The following UBE2E2 variants were observed in gnomAD, a reference collection of about 807,000 sequenced individuals.
UBE2E2 encodes the protein ubiquitin-conjugating enzyme E2 E2.
In UBE2E2, 6 loss-of-function variants were observed where a neutral mutation model predicts 24.7. The observed-to-expected ratio is 0.24, with a 90% CI of 0.13 to 0.48. UBE2E2 has a LOEUF of 0.48. Ranked by LOEUF, UBE2E2 falls within the 20% of genes least tolerant of loss-of-function variation. The pLI, the probability that UBE2E2 is intolerant of heterozygous loss-of-function variation, is 0.99. For missense variants in UBE2E2, 169 were observed against 245.0 expected (o/e 0.69, Z 2.07); for synonymous variants, 104 against 83.6 (o/e 1.24, Z -1.33).
chr3:23,215,910 A>G (rs78303818), intron 2 of UBE2E2, among the ~76,000 whole-genome samples: 4,373 of 152,236 alleles, frequency 0.029, 107 homozygotes, highest in East Asian at 0.13. Context: ...AATCTTTGAG[A>G]CTTCTGTCAT....
intron 3 of UBE2E2, among the ~76,000 whole-genome samples, chr3:23,419,578 G>A (rs1277055143): frequency 1.3e-5 from 2 of 152,162 alleles, no homozygotes; most frequent in African/African-American, 2.4e-5. Flanking sequence ...TTGAGAATCT[G>A]TGCTTTTGTT....
chr3:23,363,470 G>C (rs1696177565), intron 3 of UBE2E2, among the ~76,000 whole-genome samples: 2 of 152,210 alleles, frequency 1.3e-5, no homozygotes, highest in Admixed American at 6.5e-5. Flanking sequence ...CAAGCAAATG[G>C]AAAACAGAAA....
chr3:23,416,567 C>T (rs1035188805), intron 3 of UBE2E2, among the ~76,000 whole-genome samples: 1 of 151,990 alleles, frequency 6.6e-6, no homozygotes, highest in Non-Finnish European at 1.5e-5. Context: ...TTGTGGTGTT[C>T]TCTGTATTTC....
intron 3 of UBE2E2, among the ~76,000 whole-genome samples, chr3:23,486,280 G>A (rs1220571024): frequency 1.3e-5 from 2 of 152,194 alleles, no homozygotes; most frequent in African/African-American, 2.4e-5. Flanking sequence ...CACCACAAGA[G>A]GCTTCCACTG....
intron 3 of UBE2E2, among the ~76,000 whole-genome samples, chr3:23,410,632 T>C (rs939586059): frequency 3.3e-5 from 5 of 152,318 alleles, no homozygotes; most frequent in Middle Eastern, 3.4e-3. Context: ...AATTAGAATA[T>C]GTATTATCTG....
At chr3:23,331,096 C>T (rs1054916946) in intron 3 of UBE2E2, among the ~76,000 whole-genome samples, 9 of 152,092 alleles carry the variant, frequency 5.9e-5, no homozygotes, top group African/African-American at 1.7e-4. Flanking sequence ...TAAATCAAAG[C>T]GAAGTTCACA....
chr3:23,528,816 T>C (rs562990399), intron 4 of UBE2E2, among the ~76,000 whole-genome samples: 177 of 152,326 alleles, frequency 1.2e-3, no homozygotes, highest in African/African-American at 4.2e-3. Context: ...TTTCCCCTCC[T>C]GTCTGTTCAT....
intron 3 of UBE2E2, among the ~76,000 whole-genome samples, chr3:23,247,545 G>T (rs186597954): frequency 6.6e-6 from 1 of 152,034 alleles, no homozygotes; most frequent in Admixed American, 6.5e-5. Flanking sequence ...AGTAGGACGG[G>T]GTTTCTCCAT....
chr3:23,238,132 T>A (rs12330479), intron 3 of UBE2E2, among the ~76,000 whole-genome samples: 1 of 151,854 alleles, frequency 6.6e-6, no homozygotes, highest in Non-Finnish European at 1.5e-5. Context: ...GAAAAAAGCC[T>A]GGTTCCCTTG....
intron 3 of UBE2E2, among the ~76,000 whole-genome samples, chr3:23,290,883 T>G (rs1575535637): frequency 3.3e-5 from 4 of 120,106 alleles, no homozygotes; most frequent in Admixed American, 8.6e-5. Context: ...AGCAGGACTG[T>G]GTGTCTAAAA....
At chr3:23,554,728 C>G (rs1695733355) in intron 5 of UBE2E2, among the ~76,000 whole-genome samples, 1 of 152,026 alleles carries the variant, frequency 6.6e-6, no homozygotes, top group Non-Finnish European at 1.5e-5. Flanking sequence ...ATAAATGTAA[C>G]TACATCAAAC....
chr3:23,568,502 A>C (rs899343170), intron 5 of UBE2E2, among the ~76,000 whole-genome samples: 6 of 151,680 alleles, frequency 4.0e-5, no homozygotes, highest in African/African-American at 1.2e-4. Context: ...TCATAGCCAG[A>C]GAACATCAGA....
chr3:23,270,833 A>G, intron 3 of UBE2E2: 1 of 444,778 alleles, frequency 2.2e-6, no homozygotes, highest in South Asian at 1.6e-5. Context: ...TTAGGTGTGC[A>G]ATTGTTTTTC....
intron 3 of UBE2E2, among the ~76,000 whole-genome samples, chr3:23,362,167 C>G (rs542711363): frequency 5.9e-5 from 9 of 152,166 alleles, no homozygotes; most frequent in African/African-American, 2.2e-4. Context: ...TCTGAGAAAC[C>G]ACATTAGGGT....
intron 3 of UBE2E2, among the ~76,000 whole-genome samples, chr3:23,445,069 T>C (rs1311317116): frequency 1.3e-5 from 2 of 152,234 alleles, no homozygotes; most frequent in East Asian, 3.8e-4. Flanking sequence ...GATGTCATAT[T>C]GAGTGGTTGT....
At chr3:23,426,587 ATAAT>A (rs1697932143) in intron 3 of UBE2E2, among the ~76,000 whole-genome samples, 1 of 152,192 alleles carries the variant, frequency 6.6e-6, no homozygotes, top group Non-Finnish European at 1.5e-5. Flanking sequence ...GTGAAGTGAA[ATAAT>A]TAGTGTTGAG....
intron 3 of UBE2E2, among the ~76,000 whole-genome samples, chr3:23,307,483 C>G (rs1699268586): frequency 6.6e-6 from 1 of 152,146 alleles, no homozygotes; most frequent in Admixed American, 6.6e-5. Context: ...ACAAATTTTG[C>G]TCTATCATTT....
intron 3 of UBE2E2, among the ~76,000 whole-genome samples, chr3:23,353,617 G>A (rs1436768007): frequency 7.9e-5 from 12 of 152,132 alleles, no homozygotes; most frequent in African/African-American, 2.9e-4. Flanking sequence ...GCCAAATCAT[G>A]AGTGAACTCC....
chr3:23,471,737 A>C (rs891449501), intron 3 of UBE2E2, among the ~76,000 whole-genome samples: 8 of 152,230 alleles, frequency 5.3e-5, no homozygotes, highest in Non-Finnish European at 1.0e-4. Context: ...TAGAATCCAA[A>C]TTAAGCAGTA....
Sources: allele counts gnomAD v4.1 joint callset (sites outside exome capture counted in the v4.1 genomes callset), GRCh38; gene constraint gnomAD v4.1.1; transcripts MANE v1.5; gene names NCBI Gene and HGNC (gene_info 2026-07-23, HGNC 2026-07-21).